RPTOR: variants seen among roughly 807,000 people sequenced by gnomAD.
RPTOR encodes the protein regulatory-associated protein of mTOR.
In RPTOR, 21 loss-of-function variants were observed where a neutral mutation model predicts 169.9. That is an observed-to-expected ratio of 0.12 (90% confidence interval 0.09 to 0.18). The LOEUF (loss-of-function observed/expected upper bound fraction) is 0.18, where lower values mean the gene tolerates loss of function less well. Among genes scored for constraint, RPTOR ranks in the 10% least tolerant of loss-of-function variants. RPTOR has a pLI of 1.00. For synonymous variants in RPTOR, 732 were observed against 753.2 expected (o/e 0.97, Z 0.46); for missense variants, 1,133 against 1,855.9 (o/e 0.61, Z 7.16).
At position 80,700,556 on chromosome 17, in the gene RPTOR, A is replaced by G. The variant is rs1366648342; in HGVS notation, c.349-7285A>G. 4.0e-4 allele frequency among the ~76,000 whole-genome samples: 42 copies of G among 104,398 alleles called. 1 individual carries two copies. Among genetic ancestry groups the G allele is most frequent in the South Asian group, 1.0e-3 (3 of 2,936 alleles). 68.5% of individuals were successfully genotyped at this position (104,398 alleles called of 152,430 possible). ...GGTGGTGATGATGATGGTGGTGGTG[A>G]TGGTAGAGATGATGGTGATGGTGAT... On this transcript the variant is annotated intron_variant, in intron 3 of 33. Coordinates refer to ENST00000306801, the MANE Select transcript of RPTOR (RefSeq NM_020761.3).
At position 80,726,448 on chromosome 17, in the gene RPTOR, C is replaced by T. The variant is rs944675257; in HGVS notation, c.508-4112C>T. Among the ~76,000 whole-genome samples the T allele has an allele frequency of 6.7e-6, 1 of 149,802 alleles. No homozygotes were observed. Among genetic ancestry groups the T allele is most frequent in the East Asian group, 2.0e-4 (1 of 5,096 alleles). On this transcript the variant is annotated intron_variant, in intron 4 of 33. Transcript: ENST00000306801. The surrounding 1 kb of genome is among the most constrained non-coding windows in gnomAD (Gnocchi z 4.5). Reference sequence around the variant, plus strand: ...GCAGTACCTCATGGTTATGACGGATCATCTTCCTGAACTTTGCATCTCAGA... The same window carrying T: ...GCAGTACCTCATGGTTATGACGGATTATCTTCCTGAACTTTGCATCTCAGA...
At chr17:80,914,265 G>T (rs1412868984) in intron 21 of RPTOR, among the ~76,000 whole-genome samples, 1 of 152,224 alleles carries the variant, frequency 6.6e-6, no homozygotes, top group Non-Finnish European at 1.5e-5. Flanking sequence ...GGCAGGGTGG[G>T]AGCCTCATGC....
intron 9 of RPTOR, among the ~76,000 whole-genome samples, chr17:80,837,134 G>A (rs1479803750): frequency 6.6e-6 from 1 of 152,146 alleles, no homozygotes; most frequent in African/African-American, 2.4e-5. Flanking sequence ...TAATGTCCAA[G>A]GGGGAGAACT....
intron 4 of RPTOR, among the ~76,000 whole-genome samples, chr17:80,727,278 C>T (rs545139879): frequency 2.0e-5 from 3 of 150,598 alleles, no homozygotes; most frequent in East Asian, 2.0e-4. Context: ...GCTCCGAGAA[C>T]GTGGACGCTG....
At chr17:80,798,521 C>T (rs1361471344) in intron 7 of RPTOR, among the ~76,000 whole-genome samples, 1 of 152,142 alleles carries the variant, frequency 6.6e-6, no homozygotes, top group Non-Finnish European at 1.5e-5. Flanking sequence ...TCCTCCCAGA[C>T]TCCGGGGCTG....
intron 13 of RPTOR, among the ~76,000 whole-genome samples, chr17:80,865,390 AT>A (rs1399811685): frequency 5.9e-5 from 9 of 152,198 alleles, no homozygotes; most frequent in Admixed American, 2.0e-4. Context: ...AAACCATACC[AT>A]GGCTACAAGC....
rs138242194 is a variant in RPTOR, at chr17:80,893,035, A to G, written c.2242+166A>G. ...ATGAGTCACCCTTCCAGACGTGAGCATGGCAAGGAGGCGTAGGCCAGCCCC... is the reference window on the plus strand; with the variant it reads ...ATGAGTCACCCTTCCAGACGTGAGCGTGGCAAGGAGGCGTAGGCCAGCCCC... On this transcript the variant is annotated intron_variant, in intron 19 of 33. Transcript: ENST00000306801. Among the ~76,000 whole-genome samples, 36 of 152,338 alleles carry G rather than the reference A, an allele frequency of 2.4e-4. 1 individual carries two copies. The East Asian group carries it at 6.9e-3, about 29-fold the overall frequency.
intron 1 of RPTOR, among the ~76,000 whole-genome samples, chr17:80,555,280 G>T (rs1162396140): frequency 2.0e-5 from 3 of 152,218 alleles, no homozygotes; most frequent in African/African-American, 4.8e-5. Flanking sequence ...GAGGTCTCTG[G>T]ACTTGGAGCT....
chr17:80,620,869 T>C (rs12946049), intron 1 of RPTOR, among the ~76,000 whole-genome samples: 28,144 of 152,266 alleles, frequency 0.18, 3,008 homozygotes, highest in East Asian at 0.28. Context: ...TATGTGATAG[T>C]ACTGTCTTTT....
At chr17:80,611,769 T>TAAA (rs146259280) in intron 1 of RPTOR, among the ~76,000 whole-genome samples, 5 of 142,752 alleles carry the variant, frequency 3.5e-5, no homozygotes, top group African/African-American at 7.5e-5. Context: ...TTTTTTTTTT[T>TAAA]AAAAAAAACA....
intron 3 of RPTOR, among the ~76,000 whole-genome samples, chr17:80,691,770 G>A (rs190809099): frequency 7.2e-5 from 11 of 152,248 alleles, no homozygotes; most frequent in Admixed American, 2.6e-4. Context: ...GGGCTCCAGG[G>A]CTGCTCATTG....
intron 5 of RPTOR, among the ~76,000 whole-genome samples, chr17:80,748,525 A>G (rs1410019518): frequency 5.0e-4 from 45 of 89,788 alleles, no homozygotes; most frequent in East Asian, 4.1e-3. Flanking sequence ...GTGTGTGTTT[A>G]GAGGCCATGG....
intron 7 of RPTOR, among the ~76,000 whole-genome samples, chr17:80,816,324 G>A (rs1031374345): frequency 5.9e-5 from 9 of 152,204 alleles, no homozygotes; most frequent in African/African-American, 2.2e-4. Context: ...GGCCTGGCTG[G>A]CCCCAGTGCA....
chr17:80,919,028 A>C (rs1282819419), intron 21 of RPTOR, among the ~76,000 whole-genome samples: 1 of 152,162 alleles, frequency 6.6e-6, no homozygotes, highest in Non-Finnish European at 1.5e-5. Context: ...GGGCTGAGAC[A>C]CCTCGGCCTC....
At chr17:80,666,401 G>A (rs1354362656) in intron 3 of RPTOR, among the ~76,000 whole-genome samples, 1 of 152,138 alleles carries the variant, frequency 6.6e-6, no homozygotes, top group East Asian at 1.9e-4. Flanking sequence ...TGTCTTCAGG[G>A]TGACCCTGAA....
In RPTOR at chr17:80,586,059, A is replaced by T. The variant is rs571973765; in HGVS notation, c.163-39632A>T. 7.2e-5 allele frequency among the ~76,000 whole-genome samples: 11 copies of T among 152,042 alleles called. No individual in the cohort carries two copies. In the South Asian group the frequency reaches 1.7e-3, roughly 23 times the overall value. On this transcript the variant is annotated intron_variant, in intron 1 of 33. Transcript: ENST00000306801. ...ACAATGTTGTTTGCAGTTTGTCGGG[A>T]GGCGCTCTGCAGCCAGGCAGATGGA...
At chr17:80,732,070 G>A (rs896220465) in intron 5 of RPTOR, among the ~76,000 whole-genome samples, 1 of 152,074 alleles carries the variant, frequency 6.6e-6, no homozygotes, top group Non-Finnish European at 1.5e-5. Flanking sequence ...TTTCATCTTG[G>A]TTTACCCAGG....
intron 6 of RPTOR, among the ~76,000 whole-genome samples, chr17:80,778,903 C>T (rs986448210): frequency 3.3e-5 from 5 of 152,186 alleles, no homozygotes; most frequent in Admixed American, 6.5e-5. Context: ...TGTCTGGCCG[C>T]GGCGCCTGCG....
chr17:80,885,485 C>G (rs369929956), intron 17 of RPTOR, among the ~76,000 whole-genome samples: 8 of 44,452 alleles, frequency 1.8e-4, no homozygotes, highest in Non-Finnish European at 4.0e-4. Flanking sequence ...TGTGCTGGGT[C>G]CCCCCCAACA....
Sources: gnomAD v4.1 joint callset for allele counts (sites outside exome capture counted in the v4.1 genomes callset) on GRCh38, gnomAD v4.1.1 for gene constraint, Gnocchi (gnomAD v3.1) non-coding constraint, MANE v1.5 for transcripts, NCBI Gene and HGNC (gene_info 2026-07-23, HGNC 2026-07-21) for gene names.